Variants in GMDS observed in about 807,000 individuals in gnomAD.
GMDS encodes GDP-mannose 4,6-dehydratase.
In GMDS, 20 loss-of-function variants were observed where a neutral mutation model predicts 49.9. The ratio of observed to expected loss-of-function variants is 0.40; its 90% CI spans 0.28 to 0.58. The LOEUF (loss-of-function observed/expected upper bound fraction) is 0.58. Among genes scored for constraint, GMDS ranks in the 20% least tolerant of loss-of-function variants. GMDS has a pLI of 0.42. For synonymous variants in GMDS, 177 were observed against 178.6 expected (o/e 0.99, Z 0.07); for missense variants, 362 against 481.4 (o/e 0.75, Z 2.32).
chr6:1,812,641 T>C (rs1265459654), intron 7 of GMDS, among the ~76,000 whole-genome samples: 1 of 152,034 alleles, frequency 6.6e-6, no homozygotes, highest in Non-Finnish European at 1.5e-5. Context: ...ACAACTCGAT[T>C]CCAGTTCCCA....
chr6:2,179,294 G>C (rs1389372297), intron 1 of GMDS, among the ~76,000 whole-genome samples: 2 of 151,904 alleles, frequency 1.3e-5, no homozygotes, highest in South Asian at 2.1e-4. Context: ...AGACAAAAAG[G>C]TTATGCCAAA....
At chr6:1,755,483 C>T (rs1767906352) in intron 7 of GMDS, among the ~76,000 whole-genome samples, 2 of 152,194 alleles carry the variant, frequency 1.3e-5, no homozygotes, top group South Asian at 4.1e-4. Flanking sequence ...CTATCCCCAT[C>T]AAGCTGCCAC....
At chr6:1,654,048 C>T (rs1231323617) in intron 9 of GMDS, among the ~76,000 whole-genome samples, 1 of 152,084 alleles carries the variant, frequency 6.6e-6, no homozygotes, top group African/African-American at 2.4e-5. Flanking sequence ...GTCAAAACCA[C>T]CATGAGATAC....
chr6:2,116,418 T>C (rs543689656), intron 3 of GMDS, among the ~76,000 whole-genome samples: 129 of 152,352 alleles, frequency 8.5e-4, no homozygotes, highest in South Asian at 1.7e-3. Context: ...ATCCTTACAC[T>C]GACTTCATTA....
intron 7 of GMDS, among the ~76,000 whole-genome samples, chr6:1,831,400 G>A (rs1332665024): frequency 2.0e-5 from 3 of 152,200 alleles, no homozygotes; most frequent in Non-Finnish European, 4.4e-5. Context: ...AAGCGTGAAG[G>A]GAAAATCTCT....
chr6:1,799,413 C>A (rs561646771), intron 7 of GMDS, among the ~76,000 whole-genome samples: 1 of 152,278 alleles, frequency 6.6e-6, no homozygotes, highest in East Asian at 1.9e-4. Context: ...AGCCACCTGC[C>A]TTTGGTCTAG....
chr6:2,160,324 A>C (rs1299118634), intron 1 of GMDS, among the ~76,000 whole-genome samples: 1 of 152,174 alleles, frequency 6.6e-6, no homozygotes, highest in Admixed American at 6.5e-5. Context: ...CCTTGCACTA[A>C]ATATGTAACA....
chr6:1,724,877 C>A (rs1236917196), intron 9 of GMDS, among the ~76,000 whole-genome samples: 1 of 152,212 alleles, frequency 6.6e-6, no homozygotes, highest in Non-Finnish European at 1.5e-5. Context: ...CCCGGCCACG[C>A]CCTGTGCCCG....
At chr6:1,750,387 T>C (rs1451077043) in intron 7 of GMDS, among the ~76,000 whole-genome samples, 1 of 152,178 alleles carries the variant, frequency 6.6e-6, no homozygotes, top group Admixed American at 6.5e-5. Flanking sequence ...GGTACCTGGC[T>C]CATCTCATTG....
chr6:1,887,809 T>C (rs1000854777), intron 7 of GMDS, among the ~76,000 whole-genome samples: 1 of 152,206 alleles, frequency 6.6e-6, no homozygotes, highest in Non-Finnish European at 1.5e-5. Flanking sequence ...AACTCCCTTA[T>C]GTGAAATGGT....
At chr6:2,035,516 T>C (rs984811088) in intron 4 of GMDS, among the ~76,000 whole-genome samples, 1 of 152,120 alleles carries the variant, frequency 6.6e-6, no homozygotes, top group Non-Finnish European at 1.5e-5. Context: ...TTCTCTGTCT[T>C]ATCATTCATT....
In GMDS at chr6:1,638,522, C is replaced by A. The variant is rs1581396711; in HGVS notation, c.988-13982G>T. Among the ~76,000 whole-genome samples, 4 of 149,542 alleles carry A rather than the reference C, an allele frequency of 2.7e-5. No individual in the cohort carries two copies. The Admixed American group carries it at 2.7e-4, about 10-fold the overall frequency. On this transcript the variant is annotated intron_variant, in intron 9 of 10. Transcript: ENST00000380815. Reference sequence around the variant, plus strand: ...TCATTCTATGCCCCACCCCCCCAACCCCCGACACTATGAGGCCGTGAGACT... The same window carrying A: ...TCATTCTATGCCCCACCCCCCCAACACCCGACACTATGAGGCCGTGAGACT...
At chr6:1,796,322 T>A (rs1769733571) in intron 7 of GMDS, among the ~76,000 whole-genome samples, 1 of 152,218 alleles carries the variant, frequency 6.6e-6, no homozygotes, top group East Asian at 1.9e-4. Flanking sequence ...TTTTTCAGTA[T>A]GATAGATCTT....
At chr6:1,951,094 C>A (rs1763317815) in intron 6 of GMDS, among the ~76,000 whole-genome samples, 1 of 152,020 alleles carries the variant, frequency 6.6e-6, no homozygotes, top group Admixed American at 6.5e-5. Flanking sequence ...TTGAGAACCA[C>A]TATTCTAGAG....
At chr6:1,796,268 T>C (rs1486883099) in intron 7 of GMDS, among the ~76,000 whole-genome samples, 2 of 151,962 alleles carry the variant, frequency 1.3e-5, no homozygotes, top group Non-Finnish European at 2.9e-5. Flanking sequence ...CAGGAAGACA[T>C]GTAGGAAAAA....
chr6:2,219,470 G>A (rs149840068), intron 1 of GMDS, among the ~76,000 whole-genome samples: 14 of 152,216 alleles, frequency 9.2e-5, no homozygotes, highest in Non-Finnish European at 1.9e-4. Flanking sequence ...TTCTCAAACT[G>A]TCTGCAGTAA....
At chr6:2,139,995 T>C (rs1776207491) in intron 1 of GMDS, among the ~76,000 whole-genome samples, 1 of 152,138 alleles carries the variant, frequency 6.6e-6, no homozygotes, top group Admixed American at 6.6e-5. Flanking sequence ...AAAGTGTGTT[T>C]AGCCATGAAC....
At chr6:2,154,909 G>GAATAATATA (rs1285629153) in intron 1 of GMDS, among the ~76,000 whole-genome samples, 3 of 97,550 alleles carry the variant, frequency 3.1e-5, no homozygotes, top group Non-Finnish European at 6.3e-5. Context: ...TCTATTCCAA[G>GAATAATATA]AATAATATAA....
At chr6:1,629,427 G>C (rs887161401) in intron 9 of GMDS, among the ~76,000 whole-genome samples, 1 of 152,148 alleles carries the variant, frequency 6.6e-6, no homozygotes, top group Admixed American at 6.5e-5. Context: ...CTCAGGAAGC[G>C]GGACTCGGTG....
Sources: gnomAD v4.1 joint callset for allele counts (sites outside exome capture counted in the v4.1 genomes callset) on GRCh38, gnomAD v4.1.1 for gene constraint, MANE v1.5 for transcripts, NCBI Gene and HGNC (gene_info 2026-07-23, HGNC 2026-07-21) for gene names.